ERC2: variants seen among roughly 807,000 people sequenced by gnomAD.
ERC2 encodes ERC protein 2.
ERC2 carries 42 observed loss-of-function variants against 114.8 expected under a neutral mutation model. That is an observed-to-expected ratio of 0.37 (90% CI 0.29 to 0.47). ERC2 has a LOEUF of 0.47. Ranked by LOEUF, ERC2 falls within the 20% of genes least tolerant of loss-of-function variation. The pLI is 0.99. For missense variants in ERC2, 939 were observed against 1,150.7 expected (o/e 0.82, Z 2.66); for synonymous variants, 454 against 425.5 (o/e 1.07, Z -0.82).
At chr3:56,079,610 C>T (rs2077132799) in intron 7 of ERC2, among the ~76,000 whole-genome samples, 5 of 152,080 alleles carry the variant, frequency 3.3e-5, no homozygotes, top group African/African-American at 1.2e-4. Flanking sequence ...GGGACAGCTC[C>T]ATGGACCTCT....
intron 7 of ERC2, among the ~76,000 whole-genome samples, chr3:56,026,767 C>T (rs2074079934): frequency 6.6e-6 from 1 of 152,152 alleles, no homozygotes; most frequent in African/African-American, 2.4e-5. Context: ...ATTGATACAA[C>T]CCAACGGCCT....
rs559952776 is a variant in ERC2, at chr3:55,547,082, G to A, written c.*40-35806C>T. On this transcript the variant is annotated intron_variant, in intron 17 of 17. Coordinates refer to ENST00000288221, the MANE Select transcript of ERC2 (RefSeq NM_015576.3). ...GCTGCAAAACGAGAATGGTAATAGCGTATCTCTGTAGGGGCGTTAGCAAAG... is the reference window on the plus strand; with the variant it reads ...GCTGCAAAACGAGAATGGTAATAGCATATCTCTGTAGGGGCGTTAGCAAAG... Among the ~76,000 whole-genome samples, 9 of 152,330 alleles carry A rather than the reference G, an allele frequency of 5.9e-5. No individual in the cohort carries two copies. In the South Asian group the frequency reaches 1.9e-3, roughly 32 times the overall value.
chr3:56,241,867 C>T (rs2051344862), intron 3 of ERC2, among the ~76,000 whole-genome samples: 1 of 152,184 alleles, frequency 6.6e-6, no homozygotes. Context: ...ATGCCAGCTG[C>T]CAGTTTTGTA....
chr3:56,252,661 G>A lies in ERC2; in HGVS notation c.1074+43358C>T, dbSNP rs192156445. Among the ~76,000 whole-genome samples the A allele has an allele frequency of 7.3e-4, 109 of 149,788 alleles. 1 individual carries two copies. In the East Asian group the frequency reaches 0.021, roughly 29 times the overall value. ...AGTCTCAGCTACTTAGGAGGCTGAG[G>A]CAGGAGAATTGCTTGAATCCAGGAG... is the stretch of plus-strand genomic sequence containing the variant. On this transcript the variant is annotated intron_variant, in intron 3 of 17. Transcript: ENST00000288221.
intron 3 of ERC2, among the ~76,000 whole-genome samples, chr3:56,253,921 A>G (rs1038468448): frequency 5.3e-5 from 8 of 152,214 alleles, no homozygotes; most frequent in African/African-American, 1.9e-4. Flanking sequence ...TAAAATAAAA[A>G]TTTCCCAAAC....
rs1575892015 is a variant in ERC2 at position 56,217,970 on chromosome 3, C to T, written c.1075-44450G>A. On this transcript the variant is annotated intron_variant, in intron 3 of 17. Transcript: ENST00000288221. ...GCTGAAACTGGATCCCTTCCTTACA[C>T]CTTATACAAAAATTAATTCAAGATG... Among the ~76,000 whole-genome samples, 3 of 152,254 alleles carry T rather than the reference C, an allele frequency of 2.0e-5. No individual in the cohort carries two copies. In the South Asian group the frequency reaches 6.2e-4, roughly 32 times the overall value.
chr3:55,927,687 T>G (rs772658359), intron 13 of ERC2, among the ~76,000 whole-genome samples: 1 of 152,154 alleles, frequency 6.6e-6, no homozygotes, highest in Non-Finnish European at 1.5e-5. Context: ...AAATACTAGA[T>G]CTTATTCATC....
At chr3:55,564,267 A>G (rs914480111) in intron 17 of ERC2, among the ~76,000 whole-genome samples, 41 of 152,200 alleles carry the variant, frequency 2.7e-4, no homozygotes, top group African/African-American at 9.4e-4. Flanking sequence ...AGTCTAGAGG[A>G]AATGAAAAAG....
intron 1 of ERC2, among the ~76,000 whole-genome samples, chr3:56,437,265 C>G (rs771711657): frequency 6.6e-6 from 1 of 152,202 alleles, no homozygotes; most frequent in Non-Finnish European, 1.5e-5. Flanking sequence ...ACAGGCAAGC[C>G]GCCCCAAGAT....
At chr3:55,838,070 A>G (rs1473587091) in intron 14 of ERC2, among the ~76,000 whole-genome samples, 1 of 151,986 alleles carries the variant, frequency 6.6e-6, no homozygotes, top group African/African-American at 2.4e-5. Flanking sequence ...AGCTTCAGGA[A>G]ACATCAAGCA....
chr3:56,017,259 T>C (rs2073372234), intron 8 of ERC2, among the ~76,000 whole-genome samples: 1 of 152,072 alleles, frequency 6.6e-6, no homozygotes, highest in Admixed American at 6.6e-5. Flanking sequence ...CAAACTCAAC[T>C]CCAGGGTCTG....
intron 3 of ERC2, among the ~76,000 whole-genome samples, chr3:56,236,090 G>C (rs1267357263): frequency 6.6e-6 from 1 of 152,140 alleles, no homozygotes; most frequent in African/African-American, 2.4e-5. Flanking sequence ...TGGGGAAAAA[G>C]TTATTCAGGC....
chr3:55,944,758 A>G (rs77456703), intron 13 of ERC2, among the ~76,000 whole-genome samples: 3,438 of 152,342 alleles, frequency 0.023, 61 homozygotes, highest in Middle Eastern at 0.078. Flanking sequence ...GGGGCCTGCT[A>G]TAGCAAAAGT....
At chr3:56,112,434 C>CAG (rs202086539) in intron 6 of ERC2, among the ~76,000 whole-genome samples, 602 of 6,644 alleles carry the variant, frequency 0.091, no homozygotes, top group Non-Finnish European at 0.11. Context: ...GACAGACAGA[C>CAG]ACACACACAC....
chr3:56,351,830 G>A (rs1576552620), intron 2 of ERC2, among the ~76,000 whole-genome samples: 2 of 152,202 alleles, frequency 1.3e-5, no homozygotes, highest in Non-Finnish European at 2.9e-5. Context: ...TGGAGATACT[G>A]TAGGGAACCA....
chr3:55,825,818 T>C (rs986106868), intron 14 of ERC2, among the ~76,000 whole-genome samples: 8 of 152,186 alleles, frequency 5.3e-5, no homozygotes, highest in Non-Finnish European at 1.2e-4. Context: ...ATCATTATTG[T>C]GTTTGTTGTT....
intron 4 of ERC2, among the ~76,000 whole-genome samples, chr3:56,159,424 T>C (rs1256988882): frequency 1.3e-5 from 2 of 152,224 alleles, no homozygotes; most frequent in Non-Finnish European, 2.9e-5. Context: ...TTGATAAATA[T>C]AACCTTTTTA....
At chr3:55,959,314 A>G (rs1179846742) in intron 12 of ERC2, among the ~76,000 whole-genome samples, 2 of 151,050 alleles carry the variant, frequency 1.3e-5, no homozygotes, top group African/African-American at 4.9e-5. Context: ...TGACCCTGAA[A>G]CCTCCCCCAA....
At chr3:56,185,524 T>C (rs1045344393) in intron 3 of ERC2, among the ~76,000 whole-genome samples, 4 of 152,122 alleles carry the variant, frequency 2.6e-5, no homozygotes, top group Non-Finnish European at 5.9e-5. Context: ...ATTTAGACAA[T>C]GGGACTTTTG....
Sources: gnomAD v4.1 joint callset for allele counts (sites outside exome capture counted in the v4.1 genomes callset) on GRCh38, gnomAD v4.1.1 for gene constraint, MANE v1.5 for transcripts, NCBI Gene and HGNC (gene_info 2026-07-23, HGNC 2026-07-21) for gene names.